The following MCUR1 variants were observed in gnomAD, a reference collection of about 807,000 sequenced individuals.
The protein encoded by MCUR1 is mitochondrial calcium uniporter regulator 1.
MCUR1 carries 37 observed loss-of-function variants against 42.0 expected under a neutral mutation model. The observed-to-expected ratio is 0.88, with a 90% CI of 0.68 to 1.16. MCUR1 has a LOEUF of 1.16. Among genes scored for constraint, MCUR1 ranks in the 50% most tolerant of loss-of-function variants. The probability of loss-of-function intolerance (pLI) is 0.00; values close to 1 mark genes in which losing one functional copy is unlikely to be tolerated. For missense variants in MCUR1, 469 were observed against 468.4 expected (o/e 1.00, Z -0.01); for synonymous variants, 229 against 196.2 (o/e 1.17, Z -1.40).
intron 1 of MCUR1, among the ~76,000 whole-genome samples, chr6:13,810,872 C>T (rs1760218097): frequency 6.6e-6 from 1 of 152,226 alleles, no homozygotes; most frequent in Non-Finnish European, 1.5e-5. Context: ...ATTCAAAGAA[C>T]CACTGTGCTA....
intron 6 of MCUR1, among the ~76,000 whole-genome samples, chr6:13,795,827 A>G (rs988105340): frequency 6.6e-6 from 1 of 151,968 alleles, no homozygotes; most frequent in Admixed American, 6.6e-5. Flanking sequence ...CTCAGAAATC[A>G]CCTCTAAATA....
intron 6 of MCUR1, among the ~76,000 whole-genome samples, chr6:13,795,787 C>T (rs1296220017): frequency 3.9e-5 from 6 of 152,042 alleles, no homozygotes; most frequent in South Asian, 4.1e-4. Context: ...GTACAGTGTA[C>T]GCTGCTAGGG....
chr6:13,811,789 T>G (rs1320045870), intron 1 of MCUR1, among the ~76,000 whole-genome samples: 1 of 152,060 alleles, frequency 6.6e-6, no homozygotes, highest in Non-Finnish European at 1.5e-5. Context: ...AAACATAACC[T>G]CCTCACCCCC....
intron 6 of MCUR1, among the ~76,000 whole-genome samples, chr6:13,797,295 T>C (rs1759876140): frequency 6.6e-6 from 1 of 152,248 alleles, no homozygotes; most frequent in South Asian, 2.1e-4. Context: ...TTTCTCATTA[T>C]GCTAAGAATA....
chr6:13,791,839 T>G, intron 8 of MCUR1, 39 bp downstream of exon 8: 1 of 1,391,946 alleles, frequency 7.2e-7, no homozygotes, highest in South Asian at 1.2e-5. Flanking sequence ...AAATTTATTT[T>G]CTTTTCAGGT....
At chr6:13,802,096 C>T in intron 3 of MCUR1, 147 bp downstream of exon 3, 1 of 542,724 alleles carries the variant, frequency 1.8e-6, no homozygotes, top group East Asian at 3.2e-5. Flanking sequence ...TTTTTTATGC[C>T]ACTGTAATCT....
intron 5 of MCUR1, among the ~76,000 whole-genome samples, chr6:13,799,827 CTTT>C (rs542304036): frequency 0.11 from 10,339 of 96,122 alleles, 435 homozygotes; most frequent in African/African-American, 0.22. Context: ...ACACAATTTT[CTTT>C]TTTTTTTTTT....
Position 13,802,253 on chromosome 6 carries a change from T to C in MCUR1, c.629A>G (p.Lys210Arg). 1.2e-6 allele frequency: 2 copies of C among 1,613,784 alleles called. No individual in the cohort carries two copies. The highest frequency in any genetic ancestry group is 1.7e-6 in the Non-Finnish European group (2 of 1,179,728). ...MDIVYKDMVT[K>R]MQQEITFQQV... The stretch of plus-strand genomic sequence containing the variant: ...CCCAACAAGGCTAACCTGCTGCATC[T>C]TGGTGACCATATCTTTGTAGACGAT... The change falls in exon 3 of 9, where the codon AAG (lysine) becomes AGG (arginine). Residue 210 changes from lysine to arginine, a missense_variant. Physicochemically the swap from Lys to Arg is conservative, Grantham distance 26 (BLOSUM62 2). Coordinates refer to ENST00000379170, the MANE Select transcript of MCUR1 (RefSeq NM_001031713.4).
rs771891409 is a variant in MCUR1 at position 13,802,260 on chromosome 6, C to T, written c.622G>A (p.Val208Ile). ...AGGCTAACCTGCTGCATCTTGGTGA[C>T]CATATCTTTGTAGACGATGTCCATG... ...ANMDIVYKDM[V>I]TKMQQEITFQ... Residue 208 changes from valine to isoleucine, a missense_variant, in exon 3 of 9, where the codon GTC (valine) becomes ATC (isoleucine). Transcript: ENST00000379170. The T allele has an allele frequency of 8.1e-6, 13 of 1,613,672 alleles. No homozygotes were observed. Among genetic ancestry groups the T allele is most frequent in the Non-Finnish European group, 1.0e-5 (12 of 1,179,790 alleles).
chr6:13,803,122 C>T (rs538616565), intron 2 of MCUR1, among the ~76,000 whole-genome samples: 2 of 151,980 alleles, frequency 1.3e-5, no homozygotes, highest in Admixed American at 6.6e-5. Context: ...AGTGCAATGG[C>T]GCGATCTCAG....
intron 6 of MCUR1, among the ~76,000 whole-genome samples, chr6:13,794,155 G>A (rs1353069568): frequency 6.7e-6 from 1 of 149,620 alleles, no homozygotes; most frequent in Non-Finnish European, 1.5e-5. Flanking sequence ...GCTTTGCCAT[G>A]TTGCCCAGGC....
At chr6:13,794,031 A>G in intron 6 of MCUR1, 84 bp from the exon 7 acceptor site, 1 of 1,213,912 alleles carries the variant, frequency 8.2e-7, no homozygotes, top group African/African-American at 1.5e-5. Context: ...TTCTGGTCTC[A>G]GTACCTCCTA....
rs746181513 is a variant in MCUR1, at chr6:13,814,434, G to T, written c.-5C>A. Reference sequence around the variant, plus strand: ...GCCGACCGAGCCGCAGTCCATCCCCGAGCAGTTCACTGGCCCGGGCGCGCG... The same window carrying T: ...GCCGACCGAGCCGCAGTCCATCCCCTAGCAGTTCACTGGCCCGGGCGCGCG... On this transcript the variant is annotated 5_prime_UTR_variant, in exon 1 of 9. Transcript: ENST00000379170. 1 of 1,524,018 alleles carries T rather than the reference G, an allele frequency of 6.6e-7. No individual in the cohort carries two copies. The highest frequency in any genetic ancestry group is 8.7e-7 in the Non-Finnish European group (1 of 1,146,578). The allele number at this position is 1,524,018 out of a possible 1,614,324, so 94.4% of individuals were successfully genotyped here.
Position 13,790,024 on chromosome 6 carries a change from C to T in MCUR1, c.*785G>A, listed in dbSNP as rs1475701173. The T allele has an allele frequency of 6.6e-6, 1 of 152,190 alleles. No homozygotes were observed. The highest frequency in any genetic ancestry group is 1.5e-5 in the Non-Finnish European group (1 of 68,040). The allele number at this position is 152,190 out of a possible 1,614,324, so 9.4% of individuals were successfully genotyped here. ...TTATTAACATGACAACCAACTACAG[C>T]TGAAACAATACTATGGTACAGGGAC... On this transcript the variant is annotated 3_prime_UTR_variant, in exon 9 of 9. Transcript: ENST00000379170.
At chr6:13,803,772 T>C (rs1760044815) in intron 2 of MCUR1, 1 of 985,340 alleles carries the variant, frequency 1.0e-6, no homozygotes, top group Non-Finnish European at 1.2e-6. Context: ...TTTTCTTTTT[T>C]CTCGTCTGTC....
At chr6:13,808,757 C>A (rs1760166098) in intron 1 of MCUR1, among the ~76,000 whole-genome samples, 2 of 152,140 alleles carry the variant, frequency 1.3e-5, no homozygotes, top group Non-Finnish European at 2.9e-5. Context: ...CAGCACCATT[C>A]CCTCCACTGA....
At chr6:13,799,187 A>ATTT (rs11482576) in intron 5 of MCUR1, among the ~76,000 whole-genome samples, 1 of 139,822 alleles carries the variant, frequency 7.2e-6, no homozygotes, top group Non-Finnish European at 1.6e-5. Context: ...TGTTGCTGCC[A>ATTT]TTTTTTTTTT....
At chr6:13,799,307 C>T (rs552410732) in intron 5 of MCUR1, among the ~76,000 whole-genome samples, 1 of 152,058 alleles carries the variant, frequency 6.6e-6, no homozygotes, top group Non-Finnish European at 1.5e-5. Flanking sequence ...GTACCAGCCT[C>T]CTGAGTAGCT....
At position 13,814,299 on chromosome 6, in the gene MCUR1, G is replaced by A. The variant is rs1406488829; in HGVS notation, c.131C>T (p.Ala44Val). 2.0e-6 allele frequency: 3 copies of A among 1,503,486 alleles called. No homozygotes were observed. Among genetic ancestry groups the A allele is most frequent in the African/African-American group, 1.4e-5 (1 of 69,256 alleles). 93.1% of individuals were successfully genotyped at this position (1,503,486 alleles called of 1,614,324 possible). A position where few individuals can be genotyped will look rare whatever the true frequency, so the allele number is the denominator to read the frequency against. ...CAGCGCCCCCAGACCGTCGGAGAGCGCAGAGAGGCAGCGGCGTGCTGAGGT... is the reference window on the plus strand; with the variant it reads ...CAGCGCCCCCAGACCGTCGGAGAGCACAGAGAGGCAGCGGCGTGCTGAGGT... ...SETSARRCLSALSDGLGALRP... is the reference protein window; with the variant it reads ...SETSARRCLSVLSDGLGALRP... Residue 44 changes from alanine to valine, a missense_variant, in exon 1 of 9, where the codon GCG becomes GTG. Coordinates refer to ENST00000379170, the MANE Select transcript of MCUR1 (RefSeq NM_001031713.4).
Sources: allele counts gnomAD v4.1 joint callset (sites outside exome capture counted in the v4.1 genomes callset), GRCh38; gene constraint gnomAD v4.1.1; transcripts MANE v1.5; gene names NCBI Gene and HGNC (gene_info 2026-07-23, HGNC 2026-07-21).